Variants in XPR1 observed in about 807,000 individuals in gnomAD.
XPR1 encodes xenotropic and polytropic retrovirus receptor 1.
A neutral mutation model predicts 87.5 loss-of-function variants in XPR1; 28 were observed. That is an observed-to-expected ratio of 0.32 (90% CI 0.24 to 0.44). The LOEUF is 0.44. XPR1 is among the 20% of genes least tolerant of loss of function. The pLI is 1.00. For missense variants in XPR1, 559 were observed against 862.3 expected, an observed-to-expected ratio of 0.65 and a Z score of 4.41; for synonymous variants, 300 against 306.1, an observed-to-expected ratio of 0.98 and a Z score of 0.21.
chr1:180,672,606 A>T (rs6671675), intron 1 of XPR1, among the ~76,000 whole-genome samples: 1 of 152,072 alleles, frequency 6.6e-6, no homozygotes. Flanking sequence ...GAAAACATTT[A>T]TAATTTTTAG....
intron 1 of XPR1, among the ~76,000 whole-genome samples, chr1:180,654,210 C>T (rs767778319): frequency 1.3e-5 from 2 of 152,022 alleles, no homozygotes; most frequent in African/African-American, 2.4e-5. Flanking sequence ...TCTCAGCTCT[C>T]GTGTGGTCAG....
At chr1:180,727,126 G>A (rs1658382452) in intron 2 of XPR1, among the ~76,000 whole-genome samples, 1 of 151,980 alleles carries the variant, frequency 6.6e-6, no homozygotes, top group African/African-American at 2.4e-5. Context: ...GCCTCCCAAA[G>A]TGCTGGGATT....
rs138249104 is a variant in XPR1 at position 180,703,043 on chromosome 1, G to A, written c.121+20632G>A. On this transcript the variant is annotated intron_variant, in intron 2 of 14. Transcript: ENST00000367590. ...GTGTAGTTTCTGAATTATTTATGTA[G>A]CTTTAATTAGTGTCAGTGGTATCTA... Among the ~76,000 whole-genome samples the A allele has an allele frequency of 7.9e-5, 12 of 152,220 alleles. No homozygotes were observed. In the East Asian group the frequency reaches 2.3e-3, roughly 29 times the overall value.
intron 11 of XPR1, among the ~76,000 whole-genome samples, chr1:180,857,816 C>A (rs561058643): frequency 6.6e-6 from 1 of 152,002 alleles, no homozygotes; most frequent in Non-Finnish European, 1.5e-5. Context: ...TGGAGTTAGT[C>A]TTTAGTATTC....
At chr1:180,645,848 C>G (rs1655103044) in intron 1 of XPR1, among the ~76,000 whole-genome samples, 2 of 152,110 alleles carry the variant, frequency 1.3e-5, no homozygotes, top group Admixed American at 1.3e-4. Flanking sequence ...CCTCTTTGAC[C>G]CGAGCAGTGA....
intron 1 of XPR1, among the ~76,000 whole-genome samples, chr1:180,666,487 C>T (rs538429849): frequency 7.2e-5 from 11 of 152,138 alleles, no homozygotes; most frequent in Non-Finnish European, 1.5e-4. Context: ...TTATATTGTA[C>T]ATGTCTTTCC....
intron 4 of XPR1, among the ~76,000 whole-genome samples, chr1:180,805,338 T>G (rs1649952884): frequency 6.6e-6 from 1 of 152,080 alleles, no homozygotes; most frequent in South Asian, 2.1e-4. Context: ...GCAAATTGAG[T>G]TTTTAGCTTT....
chr1:180,826,487 G>A (rs1415078903), intron 9 of XPR1, among the ~76,000 whole-genome samples: 1 of 151,996 alleles, frequency 6.6e-6, no homozygotes, highest in African/African-American at 2.4e-5. Flanking sequence ...CGTCAAAGCT[G>A]CAGTGAACCA....
chr1:180,759,851 T>A (rs1381896802), intron 2 of XPR1, among the ~76,000 whole-genome samples: 2 of 152,192 alleles, frequency 1.3e-5, no homozygotes, highest in African/African-American at 4.8e-5. Context: ...TGAACATTGA[T>A]GCAAAAATCC....
intron 1 of XPR1, among the ~76,000 whole-genome samples, chr1:180,638,836 CAAAT>C (rs1415232155): frequency 1.3e-5 from 2 of 152,024 alleles, no homozygotes; most frequent in African/African-American, 2.4e-5. Context: ...TTTTGTAATA[CAAAT>C]AAATCTTGTA....
chr1:180,781,618 T>C (rs1199413649), intron 2 of XPR1, among the ~76,000 whole-genome samples: 1 of 151,416 alleles, frequency 6.6e-6, no homozygotes, highest in East Asian at 1.9e-4. Context: ...TAAACACCCC[T>C]GGTTTTATTT....
chr1:180,684,810 A>G (rs1169562783), intron 2 of XPR1, among the ~76,000 whole-genome samples: 1 of 152,170 alleles, frequency 6.6e-6, no homozygotes, highest in African/African-American at 2.4e-5. Flanking sequence ...GGTGTATAAC[A>G]ATGCTTGTGA....
At chr1:180,647,010 A>G (rs964149774) in intron 1 of XPR1, among the ~76,000 whole-genome samples, 3 of 152,220 alleles carry the variant, frequency 2.0e-5, no homozygotes, top group Non-Finnish European at 2.9e-5. Context: ...CCACTCTGCT[A>G]ATGTTAATCT....
intron 13 of XPR1, among the ~76,000 whole-genome samples, chr1:180,874,455 C>T (rs1054551378): frequency 3.9e-5 from 6 of 151,992 alleles, no homozygotes; most frequent in Non-Finnish European, 7.4e-5. Flanking sequence ...TTTGGGAGGC[C>T]GAGGCCGGTG....
intron 12 of XPR1, among the ~76,000 whole-genome samples, chr1:180,866,010 C>T (rs1313524578): frequency 6.6e-6 from 1 of 151,840 alleles, no homozygotes; most frequent in Non-Finnish European, 1.5e-5. Flanking sequence ...TCCAGACCAG[C>T]CTAGGCATCA....
At chr1:180,748,580 G>A (rs1195641599) in intron 2 of XPR1, among the ~76,000 whole-genome samples, 14 of 151,304 alleles carry the variant, frequency 9.3e-5, no homozygotes, top group Non-Finnish European at 1.9e-4. Flanking sequence ...CACCACGCCC[G>A]GCTAATTTTG....
intron 14 of XPR1, among the ~76,000 whole-genome samples, chr1:180,882,330 A>G (rs1201703546): frequency 2.6e-5 from 4 of 152,104 alleles, no homozygotes; most frequent in Admixed American, 6.5e-5. Context: ...AACCTTTAGC[A>G]TATCCTTAAT....
intron 13 of XPR1, among the ~76,000 whole-genome samples, chr1:180,877,479 G>A (rs1652700121): frequency 6.6e-6 from 1 of 152,052 alleles, no homozygotes; most frequent in Non-Finnish European, 1.5e-5. Flanking sequence ...TATCCATATG[G>A]AAAAAAATGG....
chr1:180,744,587 T>A (rs1659019297), intron 2 of XPR1, among the ~76,000 whole-genome samples: 1 of 151,970 alleles, frequency 6.6e-6, no homozygotes, highest in African/African-American at 2.4e-5. Flanking sequence ...GTTAGAAGAT[T>A]CAAGGTCTTG....
Sources: allele counts gnomAD v4.1 joint callset (sites outside exome capture counted in the v4.1 genomes callset), GRCh38; gene constraint gnomAD v4.1.1; transcripts MANE v1.5; gene names NCBI Gene and HGNC (gene_info 2026-07-23, HGNC 2026-07-21).